The following CTSL variants were observed in gnomAD, a reference collection of about 807,000 sequenced individuals.
CTSL encodes procathepsin L.
CTSL carries 23 observed loss-of-function variants against 34.7 expected under a neutral mutation model. The ratio of observed to expected loss-of-function variants is 0.66; its 90% CI spans 0.48 to 0.94. The LOEUF (loss-of-function observed/expected upper bound fraction) is 0.94, where lower values mean the gene tolerates loss of function less well. Among genes scored for constraint, CTSL ranks in the 40% least tolerant of loss-of-function variants. The pLI, the probability that CTSL is intolerant of heterozygous loss-of-function variation, is 0.00. For synonymous variants in CTSL, 129 were observed against 136.7 expected, an observed-to-expected ratio of 0.94 and a Z score of 0.39; for missense variants, 361 against 406.3, an observed-to-expected ratio of 0.89 and a Z score of 0.96.
At chr9:87,727,484 A>C in intron 1 of CTSL, 110 bp from the exon 2 acceptor site, 1 of 1,128,072 alleles carries the variant, frequency 8.9e-7, no homozygotes, top group Non-Finnish European at 1.3e-6. Context: ...TGCTTGGGAG[A>C]ATAATTTAAA....
chr9:87,728,223 C>T, intron 3 of CTSL, 27 bp from the exon 4 acceptor site: 1 of 1,614,050 alleles, frequency 6.2e-7, no homozygotes, highest in Non-Finnish European at 8.5e-7. Context: ...TCTTGCTTTT[C>T]AACATTTTAT....
chr9:87,727,485 A>G, intron 1 of CTSL, 109 bp from the exon 2 acceptor site: 1 of 953,356 alleles, frequency 1.0e-6, no homozygotes, highest in Middle Eastern at 3.7e-4. Flanking sequence ...GCTTGGGAGA[A>G]TAATTTAAAT....
At chr9:87,730,927 A>C in intron 7 of CTSL, 81 bp from the exon 8 acceptor site, 1 of 1,087,816 alleles carries the variant, frequency 9.2e-7, no homozygotes, top group Non-Finnish European at 1.4e-6. Flanking sequence ...CCTCTGGCAC[A>C]GTGTTTAAGT....
At position 87,731,019 on chromosome 9, in the gene CTSL, A is replaced by C; in HGVS notation, c.914A>C (p.Glu305Ala). 6.2e-7 allele frequency: 1 copy of C among 1,613,838 alleles called. No individual in the cohort carries two copies. Among genetic ancestry groups the C allele is most frequent in the South Asian group, 1.1e-5 (1 of 91,040 alleles). ...TGCTCTTTTTTCAGCTGGGGTGAAG[A>C]ATGGGGCATGGGTGGCTACGTAAAG... ...YWLVKNSWGE[E>A]WGMGGYVKMA... is the part of the protein sequence containing the mutation. Residue 305 changes from glutamate to alanine, a missense_variant, in exon 8 of 8, where the codon GAA becomes GCA. Transcript: ENST00000343150.
chr9:87,730,321 TG>T, intron 6 of CTSL, 59 bp from the exon 7 acceptor site: 1 of 1,062,514 alleles, frequency 9.4e-7, no homozygotes, highest in Non-Finnish European at 1.4e-6. Flanking sequence ...GGTGACAGGA[TG>T]GGTTACTGTC....
chr9:87,729,819 A>AATT, intron 6 of CTSL, 84 bp downstream of exon 6: 1 of 1,385,332 alleles, frequency 7.2e-7, no homozygotes, highest in Non-Finnish European at 9.8e-7. Flanking sequence ...TTTGCAAGTA[A>AATT]AGTTCAGTGT....
intron 2 of CTSL, 54 bp downstream of exon 2, chr9:87,727,783 A>G: frequency 6.2e-7 from 1 of 1,606,274 alleles, no homozygotes; most frequent in Non-Finnish European, 8.5e-7. Flanking sequence ...AGTTTTAGTC[A>G]GAGAGTAGCT....
intron 7 of CTSL, 95 bp downstream of exon 7, chr9:87,730,593 A>C (rs1826220891): frequency 1.2e-6 from 1 of 812,398 alleles, no homozygotes; most frequent in Non-Finnish European, 2.0e-6. Context: ...CCTTAGGCAT[A>C]CTTCTGAAAT....
chr9:87,726,565 C>T (rs1026277542), intron 1 of CTSL, among the ~76,000 whole-genome samples, 167 bp downstream of exon 1: 2 of 152,194 alleles, frequency 1.3e-5, no homozygotes, highest in Non-Finnish European at 2.9e-5. Flanking sequence ...GGCCCTGCCA[C>T]GCCTGGAGCC....
intron 7 of CTSL, among the ~76,000 whole-genome samples, 196 bp downstream of exon 7, chr9:87,730,694 T>A (rs1826224340): frequency 6.6e-6 from 1 of 152,256 alleles, no homozygotes; most frequent in Non-Finnish European, 1.5e-5. Context: ...GAATATAGTA[T>A]TTGTTCCATT....
intron 2 of CTSL, 98 bp from the exon 3 acceptor site, chr9:87,727,929 C>A: frequency 6.4e-7 from 1 of 1,557,336 alleles, no homozygotes; most frequent in South Asian, 1.2e-5. Context: ...CTTCCCTTGC[C>A]ATGGTTTCTC....
rs10566 is a variant in CTSL at position 87,731,117 on chromosome 9, C to T, written c.*10C>T. 2.0e-4 allele frequency: 320 copies of T among 1,608,300 alleles called. 1 individual carries two copies. The African/African-American group carries it at 3.5e-3, about 17-fold the overall frequency. ...CTACCCCACTGTGTGAGCTGGTGGA[C>T]GGTGATGAGGAAGGACTTGACTGGG... is the stretch of plus-strand genomic sequence containing the variant. On this transcript the variant is annotated 3_prime_UTR_variant, in exon 8 of 8. Transcript: ENST00000343150.
At chr9:87,727,286 C>T (rs1289393663) in intron 1 of CTSL, among the ~76,000 whole-genome samples, 1 of 152,064 alleles carries the variant, frequency 6.6e-6, no homozygotes, top group South Asian at 2.1e-4. Context: ...CTAGTTGTTG[C>T]CTTAAGCTTC....
chr9:87,727,816 T>C, intron 2 of CTSL, 87 bp downstream of exon 2: 1 of 1,504,282 alleles, frequency 6.6e-7, no homozygotes, highest in Non-Finnish European at 9.2e-7. Context: ...CTTTTACCAA[T>C]AGCCTAATGT....
At chr9:87,727,542 A>G (rs1564088602) in intron 1 of CTSL, 52 bp from the exon 2 acceptor site, 4 of 1,586,086 alleles carry the variant, frequency 2.5e-6, no homozygotes, top group Non-Finnish European at 3.4e-6. Context: ...GGGCAGTAAG[A>G]TGGCTTTTTA....
intron 4 of CTSL, 25 bp from the exon 5 acceptor site, chr9:87,728,553 TGGATGAC>T: frequency 6.3e-7 from 1 of 1,592,432 alleles, no homozygotes; most frequent in Admixed American, 1.8e-5. Flanking sequence ...TTTTTTTTTG[TGGATGAC>T]AGCTTTTTTT....
At chr9:87,728,541 AT>A (rs548322120) in intron 4 of CTSL, 43 bp from the exon 5 acceptor site, 939 of 1,300,230 alleles carry the variant, frequency 7.2e-4, no homozygotes, top group South Asian at 1.2e-3. Context: ...AAGTCTTATT[AT>A]TTTTTTTTTG....
intron 1 of CTSL, among the ~76,000 whole-genome samples, 195 bp downstream of exon 1, chr9:87,726,593 G>C (rs1826002641): frequency 6.6e-6 from 1 of 152,234 alleles, no homozygotes; most frequent in South Asian, 2.1e-4. Flanking sequence ...CTGGCTGCAG[G>C]GCGCTGGCTT....
At chr9:87,728,528 T>G in intron 4 of CTSL, 57 bp from the exon 5 acceptor site, 1 of 1,584,370 alleles carries the variant, frequency 6.3e-7, no homozygotes, top group Non-Finnish European at 8.6e-7. Context: ...TGAGCTGTTG[T>G]CAAAGTCTTA....
Sources: allele counts gnomAD v4.1 joint callset (sites outside exome capture counted in the v4.1 genomes callset), GRCh38; gene constraint gnomAD v4.1.1; transcripts MANE v1.5; gene names NCBI Gene and HGNC (gene_info 2026-07-23, HGNC 2026-07-21).